The following CDH13 variants were observed in gnomAD, a reference collection of about 807,000 sequenced individuals.
CDH13 encodes cadherin-13.
Under a neutral mutation model 63.8 loss-of-function variants are expected in CDH13, and 24 were observed. The observed-to-expected ratio is 0.38, with a 90% CI of 0.27 to 0.53. The LOEUF (loss-of-function observed/expected upper bound fraction) is 0.53, where lower values mean the gene tolerates loss of function less well. Ranked by LOEUF, CDH13 falls within the 20% of genes least tolerant of loss-of-function variation. The probability of loss-of-function intolerance (pLI) is 0.85; values close to 1 mark genes in which losing one functional copy is unlikely to be tolerated. For missense variants in CDH13, 1,049 were observed against 903.1 expected (o/e 1.16, Z -2.07); for synonymous variants, 503 against 355.3 (o/e 1.42, Z -4.67).
At chr16:83,613,941 C>T (rs1389148444) in intron 8 of CDH13, among the ~76,000 whole-genome samples, 1 of 151,930 alleles carries the variant, frequency 6.6e-6, no homozygotes, top group African/African-American at 2.4e-5. Flanking sequence ...TACATTTTAC[C>T]TATTTTCATG....
At chr16:82,991,879 A>G (rs1280821740) in intron 2 of CDH13, among the ~76,000 whole-genome samples, 4 of 152,204 alleles carry the variant, frequency 2.6e-5, no homozygotes, top group African/African-American at 7.2e-5. Flanking sequence ...GCTTCACATC[A>G]TTATCTAGGA....
At chr16:82,988,054 C>A (rs576406082) in intron 2 of CDH13, among the ~76,000 whole-genome samples, 5 of 152,310 alleles carry the variant, frequency 3.3e-5, no homozygotes, top group African/African-American at 1.2e-4. Flanking sequence ...AATTGAAGCA[C>A]GGCTATGTTT....
At chr16:83,345,582 G>A (rs926449711) in intron 6 of CDH13, among the ~76,000 whole-genome samples, 1 of 152,154 alleles carries the variant, frequency 6.6e-6, no homozygotes, top group Non-Finnish European at 1.5e-5. Flanking sequence ...TTACTATAGA[G>A]CTCCCGCTGT....
At chr16:83,183,977 G>A (rs1050405519) in intron 4 of CDH13, among the ~76,000 whole-genome samples, 21 of 151,884 alleles carry the variant, frequency 1.4e-4, no homozygotes, top group African/African-American at 4.4e-4. Context: ...AGGCACCCCC[G>A]TTTCTCAACT....
intron 9 of CDH13, among the ~76,000 whole-genome samples, chr16:83,672,363 C>T (rs1318192794): frequency 7.0e-6 from 1 of 143,884 alleles, no homozygotes; most frequent in Non-Finnish European, 1.5e-5. Flanking sequence ...CTTCTTCTCT[C>T]TCTATCCTCA....
chr16:82,696,078 T>G (rs894551885), intron 1 of CDH13, among the ~76,000 whole-genome samples: 1 of 152,170 alleles, frequency 6.6e-6, no homozygotes, highest in African/African-American at 2.4e-5. Context: ...CTAGATGTGC[T>G]TGACCAGGGA....
intron 1 of CDH13, among the ~76,000 whole-genome samples, chr16:82,657,365 A>G (rs564778774): frequency 3.9e-4 from 59 of 152,316 alleles, no homozygotes; most frequent in African/African-American, 1.3e-3. Context: ...TGTCAGTCTG[A>G]TAACCAAGAT....
chr16:83,055,305 C>T (rs2030802672), intron 3 of CDH13, among the ~76,000 whole-genome samples: 1 of 150,958 alleles, frequency 6.6e-6, no homozygotes, highest in Non-Finnish European at 1.5e-5. Flanking sequence ...AGTAGACATG[C>T]AAGAGGATAA....
At chr16:83,774,422 G>A (rs914810937) in intron 11 of CDH13, among the ~76,000 whole-genome samples, 29 of 152,238 alleles carry the variant, frequency 1.9e-4, no homozygotes, top group African/African-American at 6.3e-4. Context: ...GCCCAGGCTG[G>A]AGTGCAGTGG....
intron 6 of CDH13, among the ~76,000 whole-genome samples, chr16:83,443,722 AAAAAAAAAAAAAAAT>A (rs2072560294): frequency 5.0e-5 from 4 of 80,110 alleles, no homozygotes; most frequent in African/African-American, 2.7e-4. Flanking sequence ...AAAAAAAAAA[AAAAAAAAAAAAAAAT>A]ATATATATAT....
At chr16:83,474,806 G>A (rs1388092890) in intron 6 of CDH13, among the ~76,000 whole-genome samples, 1 of 152,208 alleles carries the variant, frequency 6.6e-6, no homozygotes, top group Non-Finnish European at 1.5e-5. Flanking sequence ...TCCCAGAGAA[G>A]GTCCAAGCCT....
chr16:83,081,832 C>G (rs908144910), intron 3 of CDH13, among the ~76,000 whole-genome samples: 1 of 151,850 alleles, frequency 6.6e-6, no homozygotes, highest in Non-Finnish European at 1.5e-5. Context: ...CAGAGTTTGG[C>G]TCTTGTTGTC....
chr16:83,096,722 C>T (rs8060225), intron 3 of CDH13, among the ~76,000 whole-genome samples: 10,123 of 152,152 alleles, frequency 0.067, 539 homozygotes, highest in African/African-American at 0.14. Context: ...CAAGGTAGCC[C>T]ATGTAACAAT....
At chr16:83,384,704 G>A (rs1284564309) in intron 6 of CDH13, among the ~76,000 whole-genome samples, 1 of 152,200 alleles carries the variant, frequency 6.6e-6, no homozygotes, top group Non-Finnish European at 1.5e-5. Flanking sequence ...CAGGTGTGCA[G>A]GGCCACATGG....
intron 7 of CDH13, among the ~76,000 whole-genome samples, chr16:83,588,532 A>T (rs533098238): frequency 4.6e-5 from 7 of 152,328 alleles, no homozygotes; most frequent in African/African-American, 1.7e-4. Context: ...TCAGTGTCTC[A>T]AGGGGCAAGG....
chr16:82,796,248 C>G (rs558589659), intron 1 of CDH13, among the ~76,000 whole-genome samples: 3 of 152,182 alleles, frequency 2.0e-5, no homozygotes, highest in African/African-American at 7.2e-5. Flanking sequence ...CCATTAGTCT[C>G]TACTGACCCC....
intron 5 of CDH13, among the ~76,000 whole-genome samples, chr16:83,251,199 G>T (rs1256831900): frequency 6.6e-6 from 1 of 152,034 alleles, no homozygotes; most frequent in South Asian, 2.1e-4. Context: ...TGGGTAAAGG[G>T]TATATAGGAT....
intron 4 of CDH13, among the ~76,000 whole-genome samples, chr16:83,200,914 CTT>C (rs2039007069): frequency 7.2e-6 from 1 of 138,358 alleles, no homozygotes; most frequent in African/African-American, 2.7e-5. Context: ...ATTCTCTAGT[CTT>C]AAAAATGTGT....
At chr16:83,484,277 C>T (rs549344047) in intron 6 of CDH13, among the ~76,000 whole-genome samples, 3 of 152,182 alleles carry the variant, frequency 2.0e-5, no homozygotes, top group Non-Finnish European at 4.4e-5. Flanking sequence ...TTCTATCTTT[C>T]CTTTAGGCTT....
Sources: gnomAD v4.1 joint callset for allele counts (sites outside exome capture counted in the v4.1 genomes callset) on GRCh38, gnomAD v4.1.1 for gene constraint, MANE v1.5 for transcripts, NCBI Gene and HGNC (gene_info 2026-07-23, HGNC 2026-07-21) for gene names.